P3H2: variants seen among roughly 807,000 people sequenced by gnomAD.
P3H2 encodes leprecan-like 1.
In P3H2, 80 loss-of-function variants were observed where a neutral mutation model predicts 87.0. The ratio of observed to expected loss-of-function variants is 0.92; its 90% CI spans 0.77 to 1.11. The LOEUF is 1.11. P3H2 is among the 50% of genes least tolerant of loss of function. The pLI is 0.00. For missense variants in P3H2, 1,001 were observed against 923.9 expected (o/e 1.08, Z -1.08); for synonymous variants, 367 against 359.3 (o/e 1.02, Z -0.24).
chr3:190,085,089 T>C (rs1727169099), intron 1 of P3H2, among the ~76,000 whole-genome samples: 1 of 152,174 alleles, frequency 6.6e-6, no homozygotes, highest in Non-Finnish European at 1.5e-5. Flanking sequence ...AGACGTTGAA[T>C]TATTCTCGTG....
rs116183494 is a variant in P3H2, at chr3:190,101,038, A to G, written c.480+19214T>C. On this transcript the variant is annotated intron_variant, in intron 1 of 14. Transcript: ENST00000319332. ...GTGATAACTGATCTTTGATGTTACT[A>G]TTGCAGCTGGTTCGGGCCCCACAAA... Among the ~76,000 whole-genome samples, 752 of 152,144 alleles carry G rather than the reference A, an allele frequency of 4.9e-3. 5 individuals carry two copies. The highest frequency in any genetic ancestry group is 7.7e-3 in the Non-Finnish European group (525 of 67,996).
In P3H2 at chr3:190,096,006, T is replaced by C. The variant is rs1727574511; in HGVS notation, c.480+24246A>G. 2.0e-5 allele frequency among the ~76,000 whole-genome samples: 3 copies of C among 152,188 alleles called. No homozygotes were observed. In the South Asian group the frequency reaches 6.2e-4, roughly 32 times the overall value. On this transcript the variant is annotated intron_variant, in intron 1 of 14. Coordinates refer to ENST00000319332, the MANE Select transcript of P3H2 (RefSeq NM_018192.4). Reference sequence around the variant, plus strand: ...AAAAACCCATGTGTAATGTAAACCATCTCTTTTGATGCCCTATCTTGGATT... The same window carrying C: ...AAAAACCCATGTGTAATGTAAACCACCTCTTTTGATGCCCTATCTTGGATT...
intron 1 of P3H2, among the ~76,000 whole-genome samples, chr3:190,059,290 G>GGGT (rs2108965817): frequency 6.6e-6 from 1 of 152,210 alleles, no homozygotes; most frequent in Non-Finnish European, 1.5e-5. Flanking sequence ...AATAGCTGAT[G>GGGT]CAGACAGTAG....
Position 189,974,587 on chromosome 3 carries a change from G to A in P3H2, c.1423C>T (p.Gln475Ter), listed in dbSNP as rs1212285635. 3.1e-6 allele frequency: 5 copies of A among 1,613,940 alleles called. No individual in the cohort carries two copies. Among genetic ancestry groups the A allele is most frequent in the African/African-American group, 1.3e-5 (1 of 74,916 alleles). Residue 475 changes from glutamine (Q) to a stop codon, truncating the protein, a stop_gained, in exon 9 of 15, where the codon CAG (glutamine) becomes TAG (stop). Transcript: ENST00000319332. LOFTEE classifies it high-confidence loss of function. Reference sequence around the variant, plus strand: ...GCCACGCTGTGGAGCTCCCGGCACTGTTCTTCCGACAGGACGTTATCCAGG... The same window carrying A: ...GCCACGCTGTGGAGCTCCCGGCACTATTCTTCCGACAGGACGTTATCCAGG... ...VLLDNVLSEEQCRELHSVASG... is the reference protein window; with the variant it reads ...VLLDNVLSEE
At chr3:189,983,655 TC>T (rs1245378346) in intron 7 of P3H2, among the ~76,000 whole-genome samples, 2 of 152,206 alleles carry the variant, frequency 1.3e-5, no homozygotes, top group Admixed American at 6.5e-5. Flanking sequence ...GTATATACAT[TC>T]TTGGATCTCT....
intron 1 of P3H2, among the ~76,000 whole-genome samples, chr3:190,076,349 CAA>C (rs1168769206): frequency 1.3e-5 from 2 of 152,140 alleles, no homozygotes; most frequent in Non-Finnish European, 2.9e-5. Flanking sequence ...CAAAAACTAT[CAA>C]AAGCCAGAAC....
intron 2 of P3H2, among the ~76,000 whole-genome samples, chr3:189,994,756 T>TA (rs11417825): frequency 0.19 from 27,372 of 141,800 alleles, 2,956 homozygotes; most frequent in Non-Finnish European, 0.26. Context: ...TGTCAAAAAT[T>TA]AAAAAAAAAA....
At chr3:190,093,058 T>C (rs1356365291) in intron 1 of P3H2, among the ~76,000 whole-genome samples, 6 of 152,128 alleles carry the variant, frequency 3.9e-5, no homozygotes, top group Non-Finnish European at 5.9e-5. Context: ...CTTAGTAGTG[T>C]GGGAGATAAA....
intron 1 of P3H2, among the ~76,000 whole-genome samples, chr3:190,099,628 T>A (rs1483287792): frequency 1.3e-5 from 2 of 152,164 alleles, no homozygotes; most frequent in Non-Finnish European, 2.9e-5. Context: ...AGAACTGACC[T>A]TTTTTGTGCA....
At chr3:190,050,535 G>A (rs1577296691) in intron 1 of P3H2, among the ~76,000 whole-genome samples, 1 of 152,104 alleles carries the variant, frequency 6.6e-6, no homozygotes, top group East Asian at 1.9e-4. Flanking sequence ...TGGAAGGCAT[G>A]TCTTATCATT....
chr3:190,028,514 C>G (rs1051246495), intron 1 of P3H2, among the ~76,000 whole-genome samples: 1 of 152,176 alleles, frequency 6.6e-6, no homozygotes, highest in Admixed American at 6.5e-5. Flanking sequence ...ATTTCCATAT[C>G]TGAGGGGCTC....
Position 189,969,776 on chromosome 3 carries a change from C to T in P3H2, c.1893+1040G>A, listed in dbSNP as rs1723114502. On this transcript the variant is annotated intron_variant, in intron 13 of 14. Coordinates refer to ENST00000319332, the MANE Select transcript of P3H2 (RefSeq NM_018192.4). ...TGGAGTATCCACATATTTTTCAGTT[C>T]TTCCTTCTAAAATTTCTGGATCATC... is the stretch of plus-strand genomic sequence containing the variant. 1.3e-5 allele frequency: 21 copies of T among 1,607,130 alleles called. No homozygotes were observed. In the South Asian group the frequency reaches 2.2e-4, roughly 17 times the overall value.
chr3:190,099,739 CT>C (rs991192211), intron 1 of P3H2, among the ~76,000 whole-genome samples: 5 of 152,134 alleles, frequency 3.3e-5, no homozygotes, highest in Admixed American at 6.5e-5. Flanking sequence ...ATATCTTGAT[CT>C]TTTTTAGCAT....
In P3H2 at chr3:189,964,098, C is replaced by T. The variant is rs773098919; in HGVS notation, c.1894G>A (p.Ala632Thr). The T allele has an allele frequency of 1.9e-6, 3 of 1,613,932 alleles. No individual in the cohort carries two copies. In the South Asian group the frequency reaches 3.3e-5, roughly 18 times the overall value. ...FTEMDAKTVT[A>T]SIKPKCGRMI... ...CGCCCACATTTTGGTTTTATAGAGG[C>T]CTGAGAAAGAAAGCAAAAATTAGAC... Residue 632 changes from alanine to threonine, a missense_variant and splice_region_variant, in exon 14 of 15, where the codon GCC (alanine) becomes ACC (threonine). Transcript: ENST00000319332.
At chr3:190,018,148 G>C (rs1406571380) in intron 1 of P3H2, among the ~76,000 whole-genome samples, 1 of 152,128 alleles carries the variant, frequency 6.6e-6, no homozygotes, top group African/African-American at 2.4e-5. Context: ...GGCAAAGATT[G>C]CTTCTATTTT....
chr3:190,058,468 G>T (rs1171684931), intron 1 of P3H2, among the ~76,000 whole-genome samples: 1 of 152,144 alleles, frequency 6.6e-6, no homozygotes, highest in Non-Finnish European at 1.5e-5. Flanking sequence ...TTCAAATATG[G>T]GTCAAAGTTG....
intron 14 of P3H2, among the ~76,000 whole-genome samples, chr3:189,961,649 A>C (rs1006207547): frequency 1.3e-5 from 2 of 152,200 alleles, no homozygotes; most frequent in African/African-American, 4.8e-5. Context: ...GATGATCTCC[A>C]CGTGTAGCAA....
intron 1 of P3H2, among the ~76,000 whole-genome samples, chr3:190,076,239 T>A (rs1726874292): frequency 1.3e-5 from 2 of 152,008 alleles, no homozygotes; most frequent in Admixed American, 1.3e-4. Flanking sequence ...GTCCTTAATT[T>A]TGAGATATTT....
At chr3:189,959,905 T>C (rs1356499495) in intron 14 of P3H2, among the ~76,000 whole-genome samples, 1 of 111,064 alleles carries the variant, frequency 9.0e-6, no homozygotes, top group Non-Finnish European at 2.0e-5. Context: ...TGTGTGTGTG[T>C]GTGTGTGTTG....
Sources: allele counts gnomAD v4.1 joint callset (sites outside exome capture counted in the v4.1 genomes callset), GRCh38; gene constraint gnomAD v4.1.1; transcripts MANE v1.5; gene names NCBI Gene and HGNC (gene_info 2026-07-23, HGNC 2026-07-21).